OPCML: variants seen among roughly 807,000 people sequenced by gnomAD.
The protein encoded by OPCML is opioid binding protein/cell adhesion molecule like.
Under a neutral mutation model 37.8 loss-of-function variants are expected in OPCML, and 13 were observed. That is an observed-to-expected ratio of 0.34 (90% confidence interval 0.22 to 0.55). OPCML has a LOEUF of 0.55. Among genes scored for constraint, OPCML ranks in the 20% least tolerant of loss-of-function variants. The pLI is 0.91. For synonymous variants in OPCML, 176 were observed against 168.8 expected, an observed-to-expected ratio of 1.04 and a Z score of -0.33; for missense variants, 341 against 435.6, an observed-to-expected ratio of 0.78 and a Z score of 1.93.
At chr11:132,936,709 T>C (rs1945388117) in intron 2 of OPCML, among the ~76,000 whole-genome samples, 1 of 152,152 alleles carries the variant, frequency 6.6e-6, no homozygotes, top group Non-Finnish European at 1.5e-5. Context: ...AGCTTCAATG[T>C]TCATTTCTTA....
intron 4 of OPCML, among the ~76,000 whole-genome samples, chr11:132,503,623 A>G (rs1201320080): frequency 6.6e-6 from 1 of 152,236 alleles, no homozygotes; most frequent in Non-Finnish European, 1.5e-5. Context: ...ATTTATTTAT[A>G]ATATCTCAAT....
At chr11:133,389,364 T>C (rs1170265966) in intron 1 of OPCML, among the ~76,000 whole-genome samples, 1 of 152,232 alleles carries the variant, frequency 6.6e-6, no homozygotes, top group Non-Finnish European at 1.5e-5. Flanking sequence ...TACACAGTCC[T>C]ACCTGTAGGG....
At chr11:133,329,196 A>G (rs1206590595) in intron 1 of OPCML, among the ~76,000 whole-genome samples, 1 of 152,216 alleles carries the variant, frequency 6.6e-6, no homozygotes, top group Non-Finnish European at 1.5e-5. Flanking sequence ...ATACAAACAA[A>G]TGGAAGAACA....
intron 1 of OPCML, among the ~76,000 whole-genome samples, chr11:133,283,144 G>A (rs753083394): frequency 6.6e-6 from 1 of 152,042 alleles, no homozygotes; most frequent in Non-Finnish European, 1.5e-5. Flanking sequence ...ATATTTTGGG[G>A]GGTAGGGAAG....
At chr11:133,445,938 A>G (rs1260642949) in intron 1 of OPCML, among the ~76,000 whole-genome samples, 1 of 152,210 alleles carries the variant, frequency 6.6e-6, no homozygotes, top group East Asian at 1.9e-4. Flanking sequence ...TTAAAAAGTC[A>G]GATGTGACTG....
chr11:132,665,620 G>A (rs756131057), intron 2 of OPCML, among the ~76,000 whole-genome samples: 1 of 152,106 alleles, frequency 6.6e-6, no homozygotes, highest in African/African-American at 2.4e-5. Context: ...TAAAGCGTAG[G>A]GTAGCGAAAC....
At chr11:133,525,259 A>G (rs1161069240) in intron 1 of OPCML, among the ~76,000 whole-genome samples, 1 of 152,240 alleles carries the variant, frequency 6.6e-6, no homozygotes, top group Non-Finnish European at 1.5e-5. Flanking sequence ...GAAGGATGGA[A>G]AGGATGTGTA....
intron 1 of OPCML, among the ~76,000 whole-genome samples, chr11:133,167,170 C>T (rs1267479063): frequency 6.6e-5 from 10 of 152,252 alleles, no homozygotes; most frequent in Non-Finnish European, 1.0e-4. Flanking sequence ...GAAGGCTGCT[C>T]GGGCACTAAT....
At chr11:132,464,175 C>G (rs183586132) in intron 4 of OPCML, among the ~76,000 whole-genome samples, 35 of 152,326 alleles carry the variant, frequency 2.3e-4, no homozygotes, top group Non-Finnish European at 4.3e-4. Context: ...CTGCTGCACT[C>G]CCTCTGAACT....
chr11:133,524,258 G>T (rs115373595), intron 1 of OPCML, among the ~76,000 whole-genome samples: 3 of 152,182 alleles, frequency 2.0e-5, no homozygotes, highest in Non-Finnish European at 4.4e-5. Context: ...GCCAGACTGC[G>T]ATAAGTGAGT....
chr11:132,442,613 C>T (rs2136785923), intron 4 of OPCML, among the ~76,000 whole-genome samples: 1 of 152,294 alleles, frequency 6.6e-6, no homozygotes, highest in African/African-American at 2.4e-5. Flanking sequence ...TGTCCCCACC[C>T]AAATCTCACC....
chr11:132,485,446 C>A (rs1033574498), intron 4 of OPCML, among the ~76,000 whole-genome samples: 1 of 152,122 alleles, frequency 6.6e-6, no homozygotes, highest in African/African-American at 2.4e-5. Flanking sequence ...TGTGTTTTGG[C>A]AAGCGTGAAC....
chr11:132,881,112 T>C (rs1378534394), intron 2 of OPCML, among the ~76,000 whole-genome samples: 2 of 152,252 alleles, frequency 1.3e-5, no homozygotes, highest in Non-Finnish European at 2.9e-5. Context: ...CCACCATTTA[T>C]TCTTTAGTTG....
intron 1 of OPCML, chr11:133,024,397 T>A (rs1241465941): frequency 2.0e-6 from 2 of 985,120 alleles, no homozygotes; most frequent in Non-Finnish European, 2.4e-6. Flanking sequence ...TGGAGACCTC[T>A]GGAGAGATTT....
At chr11:133,479,025 A>T (rs576469160) in intron 1 of OPCML, among the ~76,000 whole-genome samples, 4 of 152,062 alleles carry the variant, frequency 2.6e-5, no homozygotes, top group South Asian at 2.1e-4. Context: ...CTTTTTTTGT[A>T]TCTGTATAAT....
At chr11:132,682,772 C>T (rs1943008559) in intron 2 of OPCML, among the ~76,000 whole-genome samples, 1 of 152,202 alleles carries the variant, frequency 6.6e-6, no homozygotes, top group Non-Finnish European at 1.5e-5. Context: ...AGATCTTTCT[C>T]CCGTTACATA....
chr11:132,838,480 C>T (rs7119414), intron 2 of OPCML, among the ~76,000 whole-genome samples: 21,725 of 152,058 alleles, frequency 0.14, 1,719 homozygotes, highest in Middle Eastern at 0.22. Context: ...AAGTAATTCA[C>T]AATACTACAG....
At chr11:132,517,481 T>C (rs1241096903) in intron 4 of OPCML, among the ~76,000 whole-genome samples, 1 of 152,142 alleles carries the variant, frequency 6.6e-6, no homozygotes, top group Non-Finnish European at 1.5e-5. Flanking sequence ...TCTCCAGAGG[T>C]GGCTGCAGTA....
chr11:133,241,999 C>T (rs1940750440), intron 1 of OPCML, among the ~76,000 whole-genome samples: 1 of 152,226 alleles, frequency 6.6e-6, no homozygotes, highest in Non-Finnish European at 1.5e-5. Flanking sequence ...TTTTAGATCT[C>T]TTTGTCTTGC....
Sources: gnomAD v4.1 joint callset for allele counts (sites outside exome capture counted in the v4.1 genomes callset) on GRCh38, gnomAD v4.1.1 for gene constraint, MANE v1.5 for transcripts, NCBI Gene and HGNC (gene_info 2026-07-23, HGNC 2026-07-21) for gene names.